SLC35F1: variants seen among roughly 807,000 people sequenced by gnomAD.
SLC35F1 encodes chromosome 6 open reading frame 169.
SLC35F1 carries 14 observed loss-of-function variants against 48.7 expected under a neutral mutation model. The observed-to-expected ratio is 0.29, with a 90% confidence interval of 0.19 to 0.45. SLC35F1 has a LOEUF of 0.45. Among genes scored for constraint, SLC35F1 ranks in the 20% least tolerant of loss-of-function variants. The probability of loss-of-function intolerance (pLI) is 1.00; values close to 1 mark genes in which losing one functional copy is unlikely to be tolerated. For missense variants in SLC35F1, 404 were observed against 500.0 expected (o/e 0.81, Z 1.83); for synonymous variants, 190 against 202.2 (o/e 0.94, Z 0.51).
At position 118,017,317 on chromosome 6, in the gene SLC35F1, C is replaced by T. The variant is rs143727134; in HGVS notation, c.173+109418C>T. 5.9e-5 allele frequency among the ~76,000 whole-genome samples: 9 copies of T among 151,400 alleles called. No homozygotes were observed. In the East Asian group the frequency reaches 1.6e-3, roughly 26 times the overall value. ...ATCCATACTGGACTGGGTGCTTCTG[C>T]ATTTCCCAAGACAGGAAAACTTTTT... On this transcript the variant is annotated intron_variant, in intron 1 of 7. Transcript: ENST00000360388.
intron 1 of SLC35F1, among the ~76,000 whole-genome samples, chr6:118,057,995 G>A (rs182034632): frequency 7.6e-4 from 115 of 152,192 alleles, no homozygotes; most frequent in African/African-American, 2.7e-3. Flanking sequence ...CCTTTGAGGG[G>A]CTAGGAAAGC....
In SLC35F1 at chr6:117,926,866, C is replaced by T. The variant is rs573725326; in HGVS notation, c.173+18967C>T. ...TAAACAGTGAATTTGAGTAGGGGAG[C>T]CCAGGTAGGAGACAGTTGCAGAGGA... On this transcript the variant is annotated intron_variant, in intron 1 of 7. Transcript: ENST00000360388. Among the ~76,000 whole-genome samples, 4 of 152,128 alleles carry T rather than the reference C, an allele frequency of 2.6e-5. No homozygotes were observed. In the South Asian group the frequency reaches 8.3e-4, roughly 32 times the overall value.
chr6:118,038,149 A>T (rs1334641765), intron 1 of SLC35F1, among the ~76,000 whole-genome samples: 1 of 152,196 alleles, frequency 6.6e-6, no homozygotes, highest in Non-Finnish European at 1.5e-5. Flanking sequence ...TTATATCTAC[A>T]TACATTAAAA....
intron 1 of SLC35F1, among the ~76,000 whole-genome samples, chr6:118,148,743 T>C (rs1416567669): frequency 6.6e-6 from 1 of 152,218 alleles, no homozygotes; most frequent in African/African-American, 2.4e-5. Context: ...ACTACATGAA[T>C]AACCTACAGC....
At chr6:117,984,604 C>A (rs949290741) in intron 1 of SLC35F1, among the ~76,000 whole-genome samples, 12 of 151,944 alleles carry the variant, frequency 7.9e-5, no homozygotes, top group African/African-American at 2.9e-4. Context: ...CATGCCCATT[C>A]ATTTATGGAT....
At chr6:117,908,450 C>G (rs1222094594) in intron 1 of SLC35F1, among the ~76,000 whole-genome samples, 1 of 152,244 alleles carries the variant, frequency 6.6e-6, no homozygotes, top group African/African-American at 2.4e-5. Flanking sequence ...CTCCAGTCGC[C>G]TCTCGGACTC....
intron 2 of SLC35F1, among the ~76,000 whole-genome samples, chr6:118,189,055 G>A (rs369353078): frequency 6.6e-6 from 1 of 152,136 alleles, no homozygotes; most frequent in Non-Finnish European, 1.5e-5. Flanking sequence ...GGGACTACAG[G>A]TGTGAACCAC....
intron 1 of SLC35F1, among the ~76,000 whole-genome samples, chr6:118,102,541 A>G (rs996133719): frequency 6.6e-6 from 1 of 152,178 alleles, no homozygotes; most frequent in African/African-American, 2.4e-5. Flanking sequence ...TGTGATTTTA[A>G]TGTGACAGCC....
chr6:118,294,526 A>G (rs1776160706), intron 7 of SLC35F1, among the ~76,000 whole-genome samples: 2 of 152,230 alleles, frequency 1.3e-5, no homozygotes, highest in Admixed American at 6.5e-5. Flanking sequence ...TAACATGTCA[A>G]GGCTTAATAT....
chr6:118,162,326 C>T (rs1490114122), intron 2 of SLC35F1, among the ~76,000 whole-genome samples: 1 of 152,078 alleles, frequency 6.6e-6, no homozygotes, highest in South Asian at 2.1e-4. Flanking sequence ...AAACACAAAA[C>T]TATAAGGACA....
At chr6:117,914,187 TAG>T (rs991042594) in intron 1 of SLC35F1, among the ~76,000 whole-genome samples, 1 of 151,780 alleles carries the variant, frequency 6.6e-6, no homozygotes, top group Admixed American at 6.6e-5. Context: ...TGTATATATA[TAG>T]AGAGAGTTTC....
At chr6:118,000,340 G>A (rs545443261) in intron 1 of SLC35F1, among the ~76,000 whole-genome samples, 65 of 2,074 alleles carry the variant, frequency 0.031, no homozygotes, top group Middle Eastern at 0.5. Flanking sequence ...CAGAACCAAA[G>A]ACAAAACCAC....
intron 1 of SLC35F1, among the ~76,000 whole-genome samples, chr6:117,911,330 A>G (rs1369746444): frequency 6.6e-6 from 1 of 152,094 alleles, no homozygotes; most frequent in Non-Finnish European, 1.5e-5. Context: ...TGAACCAATC[A>G]ATATATTGAT....
intron 1 of SLC35F1, among the ~76,000 whole-genome samples, chr6:118,080,538 TAAA>T (rs1397064079): frequency 1.3e-5 from 2 of 152,204 alleles, no homozygotes; most frequent in Non-Finnish European, 2.9e-5. Flanking sequence ...GGCTGCATAG[TAAA>T]AAAGAACTGC....
rs1482146001 is a variant in SLC35F1 at position 118,052,917 on chromosome 6, C to T, written c.174-101528C>T. The stretch of plus-strand genomic sequence containing the variant: ...AACATTTACATGAGGTTGTTCTTTC[C>T]ATAAACTGTCTGTTATGTTCAAAGA... On this transcript the variant is annotated intron_variant, in intron 1 of 7. Coordinates refer to ENST00000360388, the MANE Select transcript of SLC35F1 (RefSeq NM_001029858.4). Among the ~76,000 whole-genome samples, 3 of 152,072 alleles carry T rather than the reference C, an allele frequency of 2.0e-5. No individual in the cohort carries two copies. The East Asian group carries it at 5.8e-4, about 29-fold the overall frequency.
intron 7 of SLC35F1, among the ~76,000 whole-genome samples, chr6:118,305,141 A>C (rs887736224): frequency 6.8e-6 from 1 of 147,452 alleles, no homozygotes; most frequent in African/African-American, 2.5e-5. Context: ...GATTCAGGCC[A>C]TTGAGGGCTG....
intron 2 of SLC35F1, among the ~76,000 whole-genome samples, chr6:118,172,152 A>C (rs1168688870): frequency 1.3e-5 from 2 of 151,210 alleles, no homozygotes; most frequent in Non-Finnish European, 3.0e-5. Flanking sequence ...TTTAATCAGA[A>C]CCTCCATTCA....
chr6:118,301,315 C>T (rs568152270), intron 7 of SLC35F1, among the ~76,000 whole-genome samples: 18 of 152,240 alleles, frequency 1.2e-4, no homozygotes, highest in Admixed American at 5.9e-4. Context: ...AACTCTATGT[C>T]TCAAGTTGAT....
intron 1 of SLC35F1, among the ~76,000 whole-genome samples, chr6:117,936,440 G>T (rs2114816245): frequency 6.6e-6 from 1 of 152,250 alleles, no homozygotes; most frequent in Non-Finnish European, 1.5e-5. Context: ...CTGCTGCCTT[G>T]TCTGTCATCC....
Sources: gnomAD v4.1 joint callset for allele counts (sites outside exome capture counted in the v4.1 genomes callset) on GRCh38, gnomAD v4.1.1 for gene constraint, MANE v1.5 for transcripts, NCBI Gene and HGNC (gene_info 2026-07-23, HGNC 2026-07-21) for gene names.